The following SMOC2 variants were observed in gnomAD, a reference collection of about 807,000 sequenced individuals.
SMOC2 encodes SPARC related modular calcium binding 2, also known as SPARC-related modular calcium-binding protein 2.
In SMOC2, 39 loss-of-function variants were observed where a neutral mutation model predicts 61.4. The observed-to-expected ratio is 0.64, with a 90% CI of 0.49 to 0.83. The LOEUF is 0.83. Among genes scored for constraint, SMOC2 ranks in the 40% least tolerant of loss-of-function variants. The pLI is 0.00. For missense variants in SMOC2, 556 were observed against 592.9 expected (o/e 0.94, Z 0.65); for synonymous variants, 247 against 239.9 (o/e 1.03, Z -0.27).
At chr6:168,664,932 G>A in intron 12 of SMOC2, 1 of 412,250 alleles carries the variant, frequency 2.4e-6, no homozygotes, top group South Asian at 1.8e-5. Flanking sequence ...CATTTCCTAA[G>A]GCAAGCCCCT....
rs368004708 is a variant in SMOC2 at position 168,574,396 on chromosome 6, C to T, written c.638-24422C>T. 4.6e-5 allele frequency among the ~76,000 whole-genome samples: 7 copies of T among 152,354 alleles called. No individual in the cohort carries two copies. In the East Asian group the frequency reaches 5.8e-4, roughly 13 times the overall value. ...TCCTTAGGAACGAGCTTGGAGAACACGGCGCAGATCCTGTGGGCAGCACAG... is the reference window on the plus strand; with the variant it reads ...TCCTTAGGAACGAGCTTGGAGAACATGGCGCAGATCCTGTGGGCAGCACAG... On this transcript the variant is annotated intron_variant, in intron 7 of 12. Transcript: ENST00000356284.
At position 168,441,397 on chromosome 6, in the gene SMOC2, G is replaced by A; in HGVS notation, c.27G>A (p.Leu9=). The change falls in exon 1 of 13, where the codon CTG becomes CTA. Residue 9 remains leucine, a synonymous_variant. Transcript: ENST00000356284. MLLPQLCW[L]PLLAGLLPPV... is the part of the protein sequence containing the mutation. ...TGCTGCTCCCCCAGCTCTGCTGGCT[G>A]CCGCTGCTCGCTGGGCTGCTCCCGC... 2.7e-6 allele frequency: 4 copies of A among 1,509,134 alleles called. No individual in the cohort carries two copies. The highest frequency in any genetic ancestry group is 3.5e-6 in the Non-Finnish European group (4 of 1,133,788). The allele number at this position is 1,509,134 out of a possible 1,614,324, so 93.5% of individuals were successfully genotyped here.
chr6:168,517,769 G>A (rs1012130260), intron 2 of SMOC2, among the ~76,000 whole-genome samples: 1 of 152,232 alleles, frequency 6.6e-6, no homozygotes, highest in African/African-American at 2.4e-5. Flanking sequence ...GACTCTGACG[G>A]GTGAGGCGCT....
intron 7 of SMOC2, among the ~76,000 whole-genome samples, chr6:168,574,670 G>A (rs960849027): frequency 5.9e-5 from 9 of 151,982 alleles, no homozygotes; most frequent in Non-Finnish European, 1.2e-4. Flanking sequence ...TGTGTGTAGG[G>A]GGTCCGGTGG....
intron 7 of SMOC2, among the ~76,000 whole-genome samples, chr6:168,564,901 T>G (rs2115131998): frequency 6.6e-6 from 1 of 152,382 alleles, no homozygotes; most frequent in South Asian, 2.1e-4. Flanking sequence ...GGGGTAGGAC[T>G]TGAAGTTAAT....
At chr6:168,626,954 G>T (rs1371304187) in intron 9 of SMOC2, among the ~76,000 whole-genome samples, 1 of 152,172 alleles carries the variant, frequency 6.6e-6, no homozygotes, top group Non-Finnish European at 1.5e-5. Context: ...TCTTCTACCT[G>T]CTGTGTTTGA....
At chr6:168,537,872 G>T (rs577245995) in intron 4 of SMOC2, among the ~76,000 whole-genome samples, 124 of 152,328 alleles carry the variant, frequency 8.1e-4, no homozygotes, top group Non-Finnish European at 7.4e-4. Flanking sequence ...CCCTCGGAGG[G>T]GCACCTGGGG....
intron 1 of SMOC2, among the ~76,000 whole-genome samples, chr6:168,448,538 G>A (rs1216074029): frequency 2.0e-5 from 3 of 148,316 alleles, no homozygotes; most frequent in Non-Finnish European, 3.0e-5. Context: ...GATGAGGATG[G>A]GGAGGAGGAC....
intron 8 of SMOC2, among the ~76,000 whole-genome samples, chr6:168,599,581 A>ACACACACACACACACACATACCCC (rs1785466245): frequency 6.3e-5 from 2 of 31,626 alleles, no homozygotes; most frequent in Non-Finnish European, 9.8e-5. Context: ...CACTCATACC[A>ACACACACACACACACACATACCCC]CACACACCCA....
rs555416225 is a variant in SMOC2, at chr6:168,622,157, G to A, written c.907+13918G>A. 4.6e-5 allele frequency among the ~76,000 whole-genome samples: 7 copies of A among 152,048 alleles called. No individual in the cohort carries two copies. The East Asian group carries it at 7.8e-4, about 17-fold the overall frequency. On this transcript the variant is annotated intron_variant, in intron 9 of 12. Transcript: ENST00000356284. ...ATTTTTTTGTATTTTTAGTAGAGAC[G>A]GGGTTTCACCGTGTTAGCCAGGATG... is the stretch of plus-strand genomic sequence containing the variant.
intron 7 of SMOC2, among the ~76,000 whole-genome samples, chr6:168,571,605 G>C (rs1337280674): frequency 1.3e-5 from 2 of 152,188 alleles, no homozygotes; most frequent in Non-Finnish European, 2.9e-5. Context: ...CTGAGGAATA[G>C]ATTCGTATAC....
At chr6:168,539,746 G>C (rs1344342241) in intron 4 of SMOC2, among the ~76,000 whole-genome samples, 1 of 152,232 alleles carries the variant, frequency 6.6e-6, no homozygotes, top group Non-Finnish European at 1.5e-5. Context: ...CTGCCAGCCT[G>C]TGCGTGGTCT....
intron 7 of SMOC2, among the ~76,000 whole-genome samples, chr6:168,598,197 G>T (rs73262504): frequency 6.6e-6 from 1 of 152,204 alleles, no homozygotes; most frequent in Non-Finnish European, 1.5e-5. Flanking sequence ...TTTAGATAGC[G>T]TGCACCTGTT....
rs139422239 is a variant in SMOC2 at position 168,529,398 on chromosome 6, G to A, written c.463+1671G>A. 2.6e-5 allele frequency among the ~76,000 whole-genome samples: 4 copies of A among 152,294 alleles called. No individual in the cohort carries two copies. The East Asian group carries it at 7.7e-4, about 29-fold the overall frequency. On this transcript the variant is annotated intron_variant, in intron 4 of 12. Coordinates refer to ENST00000356284, the MANE Select transcript of SMOC2 (RefSeq NM_001166412.2). ...CTTGAGAAGACGGTGCTGTCTGTGA[G>A]GGGGGGCAGTGTTTCCACGTCGGGG...
chr6:168,625,018 G>A (rs1786363040), intron 9 of SMOC2, among the ~76,000 whole-genome samples: 2 of 152,094 alleles, frequency 1.3e-5, no homozygotes, highest in African/African-American at 2.4e-5. Flanking sequence ...ATTGGAATGG[G>A]GCTCCAATTC....
In SMOC2 at chr6:168,598,831, C is replaced by G. The variant is rs1785396954; in HGVS notation, c.651C>G (p.Asp217Glu). 3 of 1,613,654 alleles carry G rather than the reference C, an allele frequency of 1.9e-6. No individual in the cohort carries two copies. In the Admixed American group the frequency reaches 5.0e-5, roughly 27 times the overall value. The change falls in exon 8 of 13, where the codon GAC becomes GAG. Residue 217 changes from aspartate (D) to glutamate (E), a missense_variant. Asp to Glu is a conservative substitution (Grantham distance 45). Transcript: ENST00000356284. The stretch of plus-strand genomic sequence containing the variant: ...TCTTCCCCGCAGTGTCATCCTGTGA[C>G]CAAGAGCACCAGTCTGCCCTGGAGG... ...KTNKNSVSSC[D>E]QEHQSALEEA...
chr6:168,495,679 G>C (rs1347947376), intron 1 of SMOC2, among the ~76,000 whole-genome samples: 1 of 152,076 alleles, frequency 6.6e-6, no homozygotes, highest in Non-Finnish European at 1.5e-5. Flanking sequence ...CTCCCACACT[G>C]CCTGCCCCCT....
rs145493525 is a variant in SMOC2 at position 168,537,752 on chromosome 6, C to T, written c.464-5873C>T. 5.1e-3 allele frequency among the ~76,000 whole-genome samples: 781 copies of T among 152,290 alleles called. 4 individuals carry two copies. The highest frequency in any genetic ancestry group is 0.028 in the South Asian group (134 of 4,828). ...ACCCTCCCTGCCACGGCCAGTCTTG[C>T]AGTCTAAGGAGTGCAGAGGAGTCTC... is the stretch of plus-strand genomic sequence containing the variant. On this transcript the variant is annotated intron_variant, in intron 4 of 12. Transcript: ENST00000356284.
chr6:168,641,002 A>G (rs1052371726), intron 9 of SMOC2, among the ~76,000 whole-genome samples: 1 of 152,142 alleles, frequency 6.6e-6, no homozygotes, highest in African/African-American at 2.4e-5. Context: ...ATTCCTAAGA[A>G]CGACTTAGTT....
Sources: allele counts gnomAD v4.1 joint callset (sites outside exome capture counted in the v4.1 genomes callset), GRCh38; gene constraint gnomAD v4.1.1; transcripts MANE v1.5; gene names NCBI Gene and HGNC (gene_info 2026-07-23, HGNC 2026-07-21).